Variants in EPHA5 observed in about 807,000 individuals in gnomAD.
EPHA5 encodes EPH receptor A5.
In EPHA5, 60 loss-of-function variants were observed where a neutral mutation model predicts 105.0. The ratio of observed to expected loss-of-function variants is 0.57; its 90% confidence interval spans 0.46 to 0.71. EPHA5 has a LOEUF of 0.71. Among genes scored for constraint, EPHA5 ranks in the 30% least tolerant of loss-of-function variants. The probability of loss-of-function intolerance (pLI) is 0.00; values close to 1 mark genes in which losing one functional copy is unlikely to be tolerated. For synonymous variants in EPHA5, 513 were observed against 449.1 expected (o/e 1.14, Z -1.80); for missense variants, 1,218 against 1,274.7 (o/e 0.96, Z 0.68).
intron 3 of EPHA5, among the ~76,000 whole-genome samples, chr4:65,520,534 A>C (rs547738795): frequency 6.6e-6 from 1 of 152,222 alleles, no homozygotes; most frequent in African/African-American, 2.4e-5. Flanking sequence ...AATGGGATCT[A>C]ATTAAACTAA....
chr4:65,621,116 C>T (rs976961146), intron 2 of EPHA5, among the ~76,000 whole-genome samples: 1 of 152,142 alleles, frequency 6.6e-6, no homozygotes, highest in Non-Finnish European at 1.5e-5. Context: ...AAGTGATTCT[C>T]CCCTTAATAA....
intron 13 of EPHA5, among the ~76,000 whole-genome samples, chr4:65,351,138 A>T (rs958425574): frequency 4.0e-5 from 6 of 151,842 alleles, no homozygotes; most frequent in African/African-American, 1.5e-4. Flanking sequence ...CTGAAGTAAG[A>T]TTTTTTATTT....
At chr4:65,369,705 C>G (rs553475450) in intron 8 of EPHA5, among the ~76,000 whole-genome samples, 3 of 152,174 alleles carry the variant, frequency 2.0e-5, no homozygotes, top group African/African-American at 4.8e-5. Context: ...TGGTGGCTCA[C>G]GCTTGTAATC....
Position 65,433,979 on chromosome 4 carries a change from C to A in EPHA5, c.1403-13414G>T, listed in dbSNP as rs556077021. On this transcript the variant is annotated intron_variant, in intron 5 of 16. Transcript: ENST00000613740. ...CTGATGCAAGAGAATCGCTTGAACC[C>A]GGGAGGCGGAAGTTGCAGTGAGCCG... 1.8e-3 allele frequency among the ~76,000 whole-genome samples: 267 copies of A among 152,182 alleles called. 1 individual carries two copies. Among genetic ancestry groups the A allele is most frequent in the Non-Finnish European group, 2.9e-3 (197 of 68,004 alleles).
chr4:65,400,209 C>A (rs1721679188), intron 8 of EPHA5, among the ~76,000 whole-genome samples: 1 of 151,926 alleles, frequency 6.6e-6, no homozygotes, highest in Non-Finnish European at 1.5e-5. Context: ...AAAATTAGGA[C>A]AAAAGAAAGT....
At chr4:65,341,645 C>A (rs1020523) in intron 14 of EPHA5, among the ~76,000 whole-genome samples, 142,966 of 151,330 alleles carry the variant, frequency 0.94, 67,951 homozygotes, top group Non-Finnish European at 1. Context: ...TCCAGAATTA[C>A]AATGAGCTAT....
chr4:65,488,558 C>T (rs1224564714), intron 5 of EPHA5, among the ~76,000 whole-genome samples: 1 of 152,146 alleles, frequency 6.6e-6, no homozygotes, highest in Non-Finnish European at 1.5e-5. Context: ...GCATTGCCTA[C>T]AGCTGAGTCT....
chr4:65,363,894 C>T (rs1479787202), intron 11 of EPHA5, among the ~76,000 whole-genome samples: 1 of 151,354 alleles, frequency 6.6e-6, no homozygotes. Flanking sequence ...ATTGTTATTT[C>T]ACATATTTCC....
At chr4:65,468,561 A>G (rs1211057589) in intron 5 of EPHA5, among the ~76,000 whole-genome samples, 1 of 52,390 alleles carries the variant, frequency 1.9e-5, no homozygotes, top group Non-Finnish European at 3.5e-5. Context: ...TATATATATT[A>G]TATATTATAT....
intron 8 of EPHA5, among the ~76,000 whole-genome samples, chr4:65,380,589 T>A (rs997219227): frequency 6.6e-6 from 1 of 151,630 alleles, no homozygotes; most frequent in Non-Finnish European, 1.5e-5. Flanking sequence ...AACACTAAGA[T>A]GTCAACAGGT....
chr4:65,516,278 ACTCGATT>A (rs1395115704), intron 3 of EPHA5, among the ~76,000 whole-genome samples: 1 of 152,154 alleles, frequency 6.6e-6, no homozygotes, highest in Admixed American at 6.6e-5. Flanking sequence ...TGTATTATAT[ACTCGATT>A]CTTACAGTAG....
intron 3 of EPHA5, among the ~76,000 whole-genome samples, chr4:65,577,480 G>A (rs6850093): frequency 0.25 from 37,758 of 151,860 alleles, 5,247 homozygotes; most frequent in East Asian, 0.46. Flanking sequence ...AAGTTACTAC[G>A]CATTTGTTGA....
intron 5 of EPHA5, among the ~76,000 whole-genome samples, chr4:65,477,474 G>A (rs1729936479): frequency 6.6e-6 from 1 of 151,910 alleles, no homozygotes; most frequent in Non-Finnish European, 1.5e-5. Context: ...GTGCAGTGGC[G>A]AGATCTAGGC....
intron 3 of EPHA5, among the ~76,000 whole-genome samples, chr4:65,563,018 C>T (rs1739176031): frequency 6.6e-6 from 1 of 151,706 alleles, no homozygotes; most frequent in African/African-American, 2.4e-5. Flanking sequence ...AATAAATATA[C>T]TATATGTAAA....
chr4:65,452,172 A>G (rs1303505772), intron 5 of EPHA5, among the ~76,000 whole-genome samples: 1 of 152,164 alleles, frequency 6.6e-6, no homozygotes, highest in Non-Finnish European at 1.5e-5. Flanking sequence ...TCAAAATGTT[A>G]TTGATCATGC....
At chr4:65,403,125 A>G (rs1722012641) in intron 8 of EPHA5, among the ~76,000 whole-genome samples, 1 of 152,224 alleles carries the variant, frequency 6.6e-6, no homozygotes, top group African/African-American at 2.4e-5. Context: ...CAAATAAATA[A>G]GGACCAGAAG....
At chr4:65,456,914 C>T (rs1206333216) in intron 5 of EPHA5, among the ~76,000 whole-genome samples, 3 of 152,052 alleles carry the variant, frequency 2.0e-5, no homozygotes, top group African/African-American at 4.8e-5. Flanking sequence ...CCTGAAAATT[C>T]ATACCTCCAA....
intron 3 of EPHA5, chr4:65,573,317 A>G: frequency 1.9e-6 from 1 of 525,090 alleles, no homozygotes; most frequent in Non-Finnish European, 3.2e-6. Context: ...AGGCGGAGGC[A>G]GGAGAATGGC....
intron 3 of EPHA5, among the ~76,000 whole-genome samples, chr4:65,529,190 G>GAA (rs34617922): frequency 1.3e-5 from 2 of 151,406 alleles, no homozygotes; most frequent in African/African-American, 4.9e-5. Flanking sequence ...AAACTTTTAT[G>GAA]AAAAAAAATA....
Sources: gnomAD v4.1 joint callset for allele counts (sites outside exome capture counted in the v4.1 genomes callset) on GRCh38, gnomAD v4.1.1 for gene constraint, MANE v1.5 for transcripts, NCBI Gene and HGNC (gene_info 2026-07-23, HGNC 2026-07-21) for gene names.